The following AGBL4 variants were observed in gnomAD, a reference collection of about 807,000 sequenced individuals.
AGBL4 encodes the protein AGBL carboxypeptidase 4, also known as cytosolic carboxypeptidase 6.
In AGBL4, 58 loss-of-function variants were observed where a neutral mutation model predicts 66.4. That is an observed-to-expected ratio of 0.87 (90% confidence interval 0.71 to 1.09). The LOEUF (loss-of-function observed/expected upper bound fraction) is 1.09. Ranked by LOEUF, AGBL4 falls within the 50% of genes least tolerant of loss-of-function variation. AGBL4 has a pLI of 0.00. For synonymous variants in AGBL4, 234 were observed against 222.9 expected (o/e 1.05, Z -0.44); for missense variants, 579 against 631.0 (o/e 0.92, Z 0.88).
chr1:49,916,887 C>T (rs1012710260), intron 1 of AGBL4, among the ~76,000 whole-genome samples: 14 of 152,242 alleles, frequency 9.2e-5, no homozygotes, highest in African/African-American at 2.4e-4. Context: ...GCGGATCTCT[C>T]GGCAGAAACC....
At chr1:49,998,216 A>G (rs537596538) in intron 1 of AGBL4, among the ~76,000 whole-genome samples, 1 of 152,238 alleles carries the variant, frequency 6.6e-6, no homozygotes, top group East Asian at 1.9e-4. Context: ...AGAAGAGAGA[A>G]GATCCAAATA....
intron 2 of AGBL4, among the ~76,000 whole-genome samples, chr1:49,797,487 G>A (rs1644758665): frequency 6.6e-6 from 1 of 152,134 alleles, no homozygotes; most frequent in African/African-American, 2.4e-5. Flanking sequence ...AGGCTAGAGT[G>A]GAGTGGCAGA....
At chr1:48,571,770 G>T (rs1005702299) in intron 11 of AGBL4, among the ~76,000 whole-genome samples, 1 of 152,296 alleles carries the variant, frequency 6.6e-6, no homozygotes, top group Admixed American at 6.5e-5. Context: ...TGTCATGTGG[G>T]CCTCGGGAGA....
chr1:49,006,245 T>G (rs566944068), intron 5 of AGBL4, among the ~76,000 whole-genome samples: 128 of 152,184 alleles, frequency 8.4e-4, no homozygotes, highest in African/African-American at 2.9e-3. Flanking sequence ...TTCCCTTTCC[T>G]AGTCAAAGAA....
At chr1:48,982,067 CAT>C (rs1557525237) in intron 5 of AGBL4, among the ~76,000 whole-genome samples, 1 of 152,060 alleles carries the variant, frequency 6.6e-6, no homozygotes, top group East Asian at 1.9e-4. Context: ...GAAGAGGTGA[CAT>C]ATTGAAAAGG....
chr1:49,014,495 C>A (rs1292518747), intron 5 of AGBL4, among the ~76,000 whole-genome samples: 1 of 152,190 alleles, frequency 6.6e-6, no homozygotes, highest in Non-Finnish European at 1.5e-5. Flanking sequence ...AAACTTAGAA[C>A]ACAGCTTCAC....
intron 6 of AGBL4, chr1:48,776,688 G>T (rs776865452): frequency 2.0e-5 from 31 of 1,514,846 alleles, no homozygotes; most frequent in Non-Finnish European, 2.6e-5. Flanking sequence ...CGGGCCCGGC[G>T]CCCAATTCCT....
At chr1:49,072,106 C>T (rs1644617590) in intron 4 of AGBL4, among the ~76,000 whole-genome samples, 1 of 152,174 alleles carries the variant, frequency 6.6e-6, no homozygotes, top group South Asian at 2.1e-4. Flanking sequence ...GTAGGTCTTC[C>T]TCCATCCCTT....
At chr1:49,633,341 T>C (rs1218704877) in intron 3 of AGBL4, among the ~76,000 whole-genome samples, 2 of 152,170 alleles carry the variant, frequency 1.3e-5, no homozygotes, top group Non-Finnish European at 2.9e-5. Flanking sequence ...TTATGTCTAT[T>C]TAACAATTTA....
chr1:49,535,333 A>G (rs1651484986), intron 3 of AGBL4, among the ~76,000 whole-genome samples: 1 of 148,238 alleles, frequency 6.7e-6, no homozygotes, highest in Non-Finnish European at 1.5e-5. Context: ...ATAATATAAT[A>G]TGTAATATGA....
chr1:49,869,283 A>T lies in AGBL4; in HGVS notation c.35-17765T>A, dbSNP rs544979073. 5.3e-5 allele frequency among the ~76,000 whole-genome samples: 8 copies of T among 152,316 alleles called. No individual in the cohort carries two copies. In the South Asian group the frequency reaches 1.7e-3, roughly 32 times the overall value. Reference sequence around the variant, plus strand: ...GAATATAACTTATTCTATTATAAAGATACACTCATGTGCATGTTCATTGCA... The same window carrying T: ...GAATATAACTTATTCTATTATAAAGTTACACTCATGTGCATGTTCATTGCA... On this transcript the variant is annotated intron_variant, in intron 1 of 13. Coordinates refer to ENST00000371839, the MANE Select transcript of AGBL4 (RefSeq NM_032785.4).
intron 3 of AGBL4, among the ~76,000 whole-genome samples, chr1:49,420,632 T>C (rs1274161849): frequency 1.3e-5 from 2 of 149,028 alleles, no homozygotes; most frequent in East Asian, 2.0e-4. Context: ...ACCCAGGAAG[T>C]AGAGCTTGCC....
intron 11 of AGBL4, among the ~76,000 whole-genome samples, chr1:48,558,731 A>C (rs1644356756): frequency 6.6e-6 from 1 of 152,186 alleles, no homozygotes; most frequent in African/African-American, 2.4e-5. Context: ...GCTTCAGACC[A>C]AGCCTTGATG....
intron 6 of AGBL4, among the ~76,000 whole-genome samples, chr1:48,749,273 C>A (rs1046579758): frequency 6.6e-6 from 1 of 152,094 alleles, no homozygotes; most frequent in Non-Finnish European, 1.5e-5. Flanking sequence ...CCCACTGTCA[C>A]GTGATTGTTT....
chr1:49,803,612 T>C (rs1321019140), intron 2 of AGBL4, among the ~76,000 whole-genome samples: 2 of 152,214 alleles, frequency 1.3e-5, no homozygotes, highest in Admixed American at 6.5e-5. Flanking sequence ...TCTACTTCTC[T>C]GAACTGCAGT....
In AGBL4 at chr1:49,563,057, T is replaced by C. The variant is rs1251816487; in HGVS notation, c.282+134256A>G. Among the ~76,000 whole-genome samples, 2 of 152,114 alleles carry C rather than the reference T, an allele frequency of 1.3e-5. 1 individual carries two copies. The highest frequency in any genetic ancestry group is 4.8e-5 in the African/African-American group (2 of 41,412). ...GTAAGTTGGATTCCTAGGTATTTTA[T>C]TCTCTTTGAAGCAATTGTGAATGGG... On this transcript the variant is annotated intron_variant, in intron 3 of 13. Coordinates refer to ENST00000371839, the MANE Select transcript of AGBL4 (RefSeq NM_032785.4).
chr1:49,427,140 T>C (rs1189799201), intron 3 of AGBL4, among the ~76,000 whole-genome samples: 1 of 151,982 alleles, frequency 6.6e-6, no homozygotes, highest in Non-Finnish European at 1.5e-5. Flanking sequence ...AGAAAAAACA[T>C]TGATTGAGCA....
Position 49,304,702 on chromosome 1 carries a change from T to C in AGBL4, c.283-58838A>G, listed in dbSNP as rs571953784. On this transcript the variant is annotated intron_variant, in intron 3 of 13. Coordinates refer to ENST00000371839, the MANE Select transcript of AGBL4 (RefSeq NM_032785.4). ...AAAAGTGTGTGTAATGGCAATATCA[T>C]ATTATAAATAAACTTAGAAATGATA... Among the ~76,000 whole-genome samples, 6 of 152,332 alleles carry C rather than the reference T, an allele frequency of 3.9e-5. No homozygotes were observed. In the East Asian group the frequency reaches 9.6e-4, roughly 24 times the overall value.
Position 49,547,672 on chromosome 1 carries a change from G to A in AGBL4, c.282+149641C>T, listed in dbSNP as rs181383683. On this transcript the variant is annotated intron_variant, in intron 3 of 13. Transcript: ENST00000371839. ...TTTGTGTAGTCTATGATTTCTTTCA[G>A]CAGTGTTTCATAGTTTTCCTTGGAG... 3.3e-3 allele frequency among the ~76,000 whole-genome samples: 507 copies of A among 152,190 alleles called. 5 individuals carry two copies. The highest frequency in any genetic ancestry group is 0.012 in the African/African-American group (491 of 41,522).
Sources: allele counts gnomAD v4.1 joint callset (sites outside exome capture counted in the v4.1 genomes callset), GRCh38; gene constraint gnomAD v4.1.1; transcripts MANE v1.5; gene names NCBI Gene and HGNC (gene_info 2026-07-23, HGNC 2026-07-21).